ZNF681: variants seen among roughly 807,000 people sequenced by gnomAD.
ZNF681 encodes hypothetical protein FLJ31526.
A neutral mutation model predicts 56.0 loss-of-function variants in ZNF681; 37 were observed. The ratio of observed to expected loss-of-function variants is 0.66; its 90% CI spans 0.51 to 0.87. The LOEUF (loss-of-function observed/expected upper bound fraction) is 0.87. Among genes scored for constraint, ZNF681 ranks in the 40% least tolerant of loss-of-function variants. ZNF681 has a pLI of 0.00. For missense variants in ZNF681, 741 were observed against 744.9 expected, an observed-to-expected ratio of 0.99 and a Z score of 0.06; for synonymous variants, 225 against 248.6, an observed-to-expected ratio of 0.91 and a Z score of 0.89.
In ZNF681 at chr19:23,743,945, T is replaced by C. The variant is rs749634386; in HGVS notation, c.1605A>G (p.Thr535=). ...KKIHTGEKPY[T]CEECGKAFNH... is the part of the protein sequence containing the mutation. ...TAAAGGCTTTGCCACATTCTTCACA[T>C]GTGTAGGGTTTCTCTCCAGTATGAA... Residue 535 remains threonine (T), a synonymous_variant, in exon 4 of 4, where the codon ACA becomes ACG. Transcript: ENST00000402377. The C allele has an allele frequency of 1.1e-5, 17 of 1,612,550 alleles. No individual in the cohort carries two copies. Among genetic ancestry groups the C allele is most frequent in the Non-Finnish European group, 1.4e-5 (17 of 1,179,638 alleles).
rs1472114638 is a variant in ZNF681 at position 23,744,831 on chromosome 19, T to A, written c.719A>T (p.Asn240Ile). The change falls in exon 4 of 4, where the codon AAC (asparagine) becomes ATC (isoleucine). Residue 240 changes from asparagine (N) to isoleucine (I), a missense_variant. Physicochemically the swap from Asn to Ile is moderately radical, Grantham distance 149 (BLOSUM62 -3). Coordinates refer to ENST00000402377, the MANE Select transcript of ZNF681 (RefSeq NM_138286.3). Reference protein sequence around the residue: ...ECGKACNQFTNLTTHKIIYTR... With the variant: ...ECGKACNQFTILTTHKIIYTR... Reference sequence around the variant, plus strand: ...ATAAATTATCTTATGTGTAGTAAGGTTTGTGAACTGGTTACAGGCTTTGCC... The same window carrying A: ...ATAAATTATCTTATGTGTAGTAAGGATTGTGAACTGGTTACAGGCTTTGCC... The A allele has an allele frequency of 6.2e-7, 1 of 1,613,592 alleles. No individual in the cohort carries two copies. Among genetic ancestry groups the A allele is most frequent in the Non-Finnish European group, 8.5e-7 (1 of 1,179,824 alleles).
chr19:23,754,896 G>T lies in ZNF681; in HGVS notation c.153C>A (p.Asp51Glu). The T allele has an allele frequency of 2.5e-6, 4 of 1,613,902 alleles. No homozygotes were observed. The highest frequency in any genetic ancestry group is 3.4e-6 in the Non-Finnish European group (4 of 1,179,976). ...TTTCTTGTTCCAGACAGGTGATCAG[G>T]TCTGGCTTAGAGACAACAATACCTG... ...VFLGIVVSKP[D>E]LITCLEQEKE... Residue 51 changes from aspartate (D) to glutamate (E), a missense_variant, in exon 3 of 4, where the codon GAC (aspartate) becomes GAA (glutamate). Asp to Glu is a conservative substitution (Grantham distance 45, BLOSUM62 2). Transcript: ENST00000402377.
chr19:23,744,636 G>T lies in ZNF681; in HGVS notation c.914C>A (p.Thr305Asn). The stretch of plus-strand genomic sequence containing the variant: ...CTTATATTCATTGAGTTTCTCTCTG[G>T]TATGAATTATCTTATGTGTAGTAAG... ...LTLTTHKIIH[T>N]REKLNEYKEC... is the part of the protein sequence containing the mutation. The change falls in exon 4 of 4, where the codon ACC becomes AAC. Residue 305 changes from threonine to asparagine, a missense_variant. Transcript: ENST00000402377. The T allele has an allele frequency of 2.5e-6, 4 of 1,596,688 alleles. No individual in the cohort carries two copies. Among genetic ancestry groups the T allele is most frequent in the Non-Finnish European group, 3.4e-6 (4 of 1,167,740 alleles).
In ZNF681 at chr19:23,742,441, AGATCACAC is replaced by A. The variant is rs1968884679; in HGVS notation, c.*1163_*1170del. The stretch of plus-strand genomic sequence containing the variant: ...GGGAGGTGGAGGTTTTGGTGAGCCA[AGATCACAC>A]CATTGCACTCCAGCCTGGGCAACAA... On this transcript the variant is annotated 3_prime_UTR_variant, in exon 4 of 4. Transcript: ENST00000402377. 1 of 152,058 alleles carries A rather than the reference AGATCACAC, an allele frequency of 6.6e-6. No homozygotes were observed. Among genetic ancestry groups the A allele is most frequent in the African/African-American group, 2.4e-5 (1 of 41,388 alleles). The allele number at this position is 152,058 out of a possible 1,614,324, so 9.4% of individuals were successfully genotyped here.
chr19:23,755,772 C>T (rs746995609), intron 1 of ZNF681, among the ~76,000 whole-genome samples: 2 of 152,090 alleles, frequency 1.3e-5, no homozygotes, highest in Admixed American at 6.6e-5. Context: ...GAAAAGAAAG[C>T]GGCATTAGAT....
At chr19:23,751,065 G>A (rs1247076142) in intron 3 of ZNF681, among the ~76,000 whole-genome samples, 1 of 143,828 alleles carries the variant, frequency 7.0e-6, no homozygotes, top group Non-Finnish European at 1.5e-5. Context: ...GGAGGTGGAG[G>A]TTGCAGTGAG....
chr19:23,749,725 C>T (rs867953375), intron 3 of ZNF681, among the ~76,000 whole-genome samples: 3 of 151,898 alleles, frequency 2.0e-5, no homozygotes, highest in African/African-American at 4.8e-5. Context: ...TGGGATTACA[C>T]ATGTAAGCCA....
Position 23,755,418 on chromosome 19 carries a change from T to C in ZNF681, c.130+7A>G. ...TAATAGGAATTGTATATTGAAGTTA[T>C]CCTCACCCAAGAAGACCAGGTTTCT... On this transcript the variant is annotated splice_region_variant and intron_variant, in intron 2 of 3. Transcript: ENST00000402377. The C allele has an allele frequency of 6.2e-7, 1 of 1,608,092 alleles. No homozygotes were observed. The highest frequency in any genetic ancestry group is 8.5e-7 in the Non-Finnish European group (1 of 1,177,548).
Position 23,758,698 on chromosome 19 carries a change from C to G in ZNF681, c.3+49G>C, listed in dbSNP as rs751290419. The G allele has an allele frequency of 1.9e-5, 30 of 1,613,994 alleles. No individual in the cohort carries two copies. The African/African-American group carries it at 3.5e-4, about 19-fold the overall frequency. On this transcript the variant is annotated intron_variant, in intron 1 of 3. Coordinates refer to ENST00000402377, the MANE Select transcript of ZNF681 (RefSeq NM_138286.3). ...GCTGACTGCGGCGAGGTCTGAGTCC[C>G]GCCACAGCCCCTTCCCCTCTCTCGG...
At position 23,743,041 on chromosome 19, in the gene ZNF681, ATT is replaced by A. The variant is rs1437443736; in HGVS notation, c.*569_*570del. 4 of 152,278 alleles carry A rather than the reference ATT, an allele frequency of 2.6e-5. No homozygotes were observed. The highest frequency in any genetic ancestry group is 9.6e-5 in the African/African-American group (4 of 41,542). 9.4% of individuals were successfully genotyped at this position (152,278 alleles called of 1,614,324 possible). ...ATTTACATAGAATTTTGGATTAAAT[ATT>A]TTTTCATATTTACTGCATCTGCAAA... On this transcript the variant is annotated 3_prime_UTR_variant, in exon 4 of 4. Coordinates refer to ENST00000402377, the MANE Select transcript of ZNF681 (RefSeq NM_138286.3).
rs1371655387 is a variant in ZNF681 at position 23,754,913 on chromosome 19, C to T, written c.136G>A (p.Val46Ile). 2.5e-6 allele frequency: 4 copies of T among 1,611,158 alleles called. No homozygotes were observed. The highest frequency in any genetic ancestry group is 2.7e-5 in the African/African-American group (2 of 74,712). Reference protein sequence around the residue: ...NYRNLVFLGIVVSKPDLITCL... With the variant: ...NYRNLVFLGIIVSKPDLITCL... ...GTGATCAGGTCTGGCTTAGAGACAACAATACCTGTTTTATTGAAAGTAAAT... is the reference window on the plus strand; with the variant it reads ...GTGATCAGGTCTGGCTTAGAGACAATAATACCTGTTTTATTGAAAGTAAAT... Residue 46 changes from valine to isoleucine, a missense_variant, in exon 3 of 4, where the codon GTT becomes ATT. Physicochemically the swap from Val to Ile is conservative, Grantham distance 29. Coordinates refer to ENST00000402377, the MANE Select transcript of ZNF681 (RefSeq NM_138286.3).
intron 2 of ZNF681, 99 bp from the exon 3 acceptor site, chr19:23,755,017 T>C (rs954930336): frequency 1.3e-5 from 11 of 818,718 alleles, no homozygotes; most frequent in Admixed American, 1.1e-4. Flanking sequence ...AATATTCTTG[T>C]AAATCAATCC....
intron 1 of ZNF681, among the ~76,000 whole-genome samples, chr19:23,755,932 G>A (rs1441934257): frequency 2.0e-5 from 3 of 152,186 alleles, no homozygotes; most frequent in Non-Finnish European, 2.9e-5. Flanking sequence ...GTGGAAGACA[G>A]TGTGGTGATT....
chr19:23,757,218 T>C (rs1276262914), intron 1 of ZNF681, among the ~76,000 whole-genome samples: 1 of 152,038 alleles, frequency 6.6e-6, no homozygotes, highest in Non-Finnish European at 1.5e-5. Context: ...AGTGCTGAGA[T>C]ACAACAAAAA....
intron 3 of ZNF681, among the ~76,000 whole-genome samples, chr19:23,750,766 T>G (rs1172091664): frequency 7.0e-6 from 1 of 143,116 alleles, no homozygotes; most frequent in Non-Finnish European, 1.5e-5. Context: ...CCCTTGAACA[T>G]GGGAGCTGAA....
In ZNF681 at chr19:23,755,630, T is replaced by C. The variant is rs542823822; in HGVS notation, c.4-79A>G. The C allele has an allele frequency of 7.4e-6, 10 of 1,357,092 alleles. No homozygotes were observed. In the South Asian group the frequency reaches 1.0e-4, roughly 14 times the overall value. 84.1% of individuals were successfully genotyped at this position (1,357,092 alleles called of 1,614,324 possible). Reference sequence around the variant, plus strand: ...ATTTAGAAAGTGGCCATGGAAAGAATTTATAATTTGATTCAAGGTAAAATA... The same window carrying C: ...ATTTAGAAAGTGGCCATGGAAAGAACTTATAATTTGATTCAAGGTAAAATA... On this transcript the variant is annotated intron_variant, in intron 1 of 3. Coordinates refer to ENST00000402377, the MANE Select transcript of ZNF681 (RefSeq NM_138286.3).
chr19:23,747,073 C>T (rs565860043), intron 3 of ZNF681, among the ~76,000 whole-genome samples: 1 of 152,262 alleles, frequency 6.6e-6, no homozygotes, highest in Non-Finnish European at 1.5e-5. Flanking sequence ...GCAGTCACTG[C>T]ACTCCAGCCT....
Position 23,743,622 on chromosome 19 carries a change from T to G in ZNF681, c.1928A>C (p.Glu643Ala). ...ACATTCTTCACATTTCTAAGATTTC[T>G]CACCAGCATAATTTCTTTTATGTTT... ...FSKHKRNYAG[E>A]KS Residue 643 changes from glutamate (E) to alanine (A), a missense_variant, in exon 4 of 4, where the codon GAG (glutamate) becomes GCG (alanine). Coordinates refer to ENST00000402377, the MANE Select transcript of ZNF681 (RefSeq NM_138286.3). The G allele has an allele frequency of 1.3e-6, 2 of 1,492,050 alleles. No homozygotes were observed. Among genetic ancestry groups the G allele is most frequent in the Non-Finnish European group, 1.8e-6 (2 of 1,122,022 alleles). The allele number at this position is 1,492,050 out of a possible 1,614,324, so 92.4% of individuals were successfully genotyped here.
rs1968861058 is a variant in ZNF681 at position 23,740,254 on chromosome 19, A to T, written c.*3358T>A. 1 of 152,184 alleles carries T rather than the reference A, an allele frequency of 6.6e-6. No individual in the cohort carries two copies. The allele number at this position is 152,184 out of a possible 1,614,324, so 9.4% of individuals were successfully genotyped here. A position where few individuals can be genotyped will look rare whatever the true frequency, so the allele number is the denominator to read the frequency against. ...GCATTAAAAATACCGATTTCTCATCAAAACCTACAATATACCATGTGAAAT... is the reference window on the plus strand; with the variant it reads ...GCATTAAAAATACCGATTTCTCATCTAAACCTACAATATACCATGTGAAAT... On this transcript the variant is annotated 3_prime_UTR_variant, in exon 4 of 4. Transcript: ENST00000402377.
Sources: gnomAD v4.1 joint callset for allele counts (sites outside exome capture counted in the v4.1 genomes callset) on GRCh38, gnomAD v4.1.1 for gene constraint, MANE v1.5 for transcripts, NCBI Gene and HGNC (gene_info 2026-07-23, HGNC 2026-07-21) for gene names.